MGST1: variants seen among roughly 807,000 people sequenced by gnomAD.
The protein encoded by MGST1 is microsomal glutathione S-transferase 1.
Under a neutral mutation model 8.9 loss-of-function variants are expected in MGST1, and 5 were observed. That is an observed-to-expected ratio of 0.56 (90% confidence interval 0.29 to 1.19). The LOEUF (loss-of-function observed/expected upper bound fraction) is 1.19, where lower values mean the gene tolerates loss of function less well. Among genes scored for constraint, MGST1 ranks in the 50% most tolerant of loss-of-function variants. MGST1 has a pLI of 0.08. For missense variants in MGST1, 182 were observed against 187.4 expected (o/e 0.97, Z 0.17); for synonymous variants, 54 against 67.8 (o/e 0.80, Z 1.00).
At chr12:16,505,583 G>A (rs747604086) in intron 4 of MGST1, among the ~76,000 whole-genome samples, 21 of 151,924 alleles carry the variant, frequency 1.4e-4, no homozygotes, top group Non-Finnish European at 2.4e-4. Context: ...ACCAAGTTCC[G>A]GCAATTTCAT....
intron 4 of MGST1, among the ~76,000 whole-genome samples, chr12:16,535,423 G>A (rs1182939585): frequency 6.6e-6 from 1 of 152,192 alleles, no homozygotes; most frequent in Non-Finnish European, 1.5e-5. Context: ...GAATTATAAA[G>A]AGTTTTAGTA....
chr12:16,509,087 T>A (rs1315834476), intron 4 of MGST1, among the ~76,000 whole-genome samples: 1 of 152,208 alleles, frequency 6.6e-6, no homozygotes, highest in Non-Finnish European at 1.5e-5. Flanking sequence ...TGTTGTCTGC[T>A]TTTTAAAAAG....
downstream of MGST1, among the ~76,000 whole-genome samples, chr12:16,369,303 A>G (rs1940251103): frequency 6.6e-6 from 1 of 152,168 alleles, no homozygotes. This position sits in a 1 kb window ranked among gnomAD's most constrained non-coding sequence, Gnocchi z 4.8. Flanking sequence ...ATGATAAGTC[A>G]TCCTATGACT....
At chr12:16,372,916 ATATATTTTATATTG>A (rs923399201) in intron 3 of MGST1, among the ~76,000 whole-genome samples, 5 of 142,626 alleles carry the variant, frequency 3.5e-5, no homozygotes, top group Non-Finnish European at 1.5e-5. Context: ...TACATATTTT[ATATATTTTATATTG>A]TATATTTTAT....
intron 2 of MGST1, among the ~76,000 whole-genome samples, chr12:16,356,959 A>G (rs1391911554): frequency 6.6e-6 from 1 of 152,230 alleles, no homozygotes. Context: ...GTATGTCAAC[A>G]TCACTGTGAA....
Position 16,357,706 on chromosome 12 carries a change from C to A in MGST1, c.221+7C>A. On this transcript the variant is annotated splice_region_variant and intron_variant, in intron 3 of 3. Transcript: ENST00000396210. ...GAGTAGAACGTGTACGCAGGTAAAC[C>A]AGTGTCTCTTGAAATTACTTACTTT... 6.2e-7 allele frequency: 1 copy of A among 1,605,954 alleles called. No homozygotes were observed. Among genetic ancestry groups the A allele is most frequent in the African/African-American group, 1.3e-5 (1 of 74,516 alleles).
At chr12:16,433,046 G>C (rs1940953186) in intron 1 of MGST1, among the ~76,000 whole-genome samples, 1 of 152,010 alleles carries the variant, frequency 6.6e-6, no homozygotes, top group African/African-American at 2.4e-5. Context: ...TAACTCACAC[G>C]ATCACAAGGT....
chr12:16,381,531 C>T (rs1040398749), downstream of MGST1, among the ~76,000 whole-genome samples: 3 of 152,166 alleles, frequency 2.0e-5, no homozygotes, highest in African/African-American at 7.2e-5. Flanking sequence ...ATGGGCTTCC[C>T]TTTGTGGGTA....
At chr12:16,394,682 C>T (rs745508039) in intron 1 of MGST1, among the ~76,000 whole-genome samples, 1 of 151,900 alleles carries the variant, frequency 6.6e-6, no homozygotes, top group Non-Finnish European at 1.5e-5. Context: ...ACTGCAACCT[C>T]CACCTCCTGG....
intron 1 of MGST1, among the ~76,000 whole-genome samples, chr12:16,432,065 T>A (rs751180706): frequency 3.9e-5 from 6 of 152,196 alleles, no homozygotes; most frequent in Non-Finnish European, 8.8e-5. Flanking sequence ...GGTCTATGCA[T>A]TCCATTTGTT....
chr12:16,356,730 A>G (rs747595504), intron 2 of MGST1, among the ~76,000 whole-genome samples: 22 of 152,188 alleles, frequency 1.4e-4, no homozygotes, highest in Admixed American at 3.9e-4. Flanking sequence ...TAGGAATGCA[A>G]TTCAGCTTCT....
At chr12:16,416,070 A>G (rs1218165138) in intron 1 of MGST1, among the ~76,000 whole-genome samples, 3 of 152,192 alleles carry the variant, frequency 2.0e-5, no homozygotes, top group African/African-American at 7.2e-5. Context: ...ACTGGATAAC[A>G]TAGGGTCACC....
At chr12:16,425,988 T>C (rs1235547661) in intron 1 of MGST1, among the ~76,000 whole-genome samples, 1 of 152,184 alleles carries the variant, frequency 6.6e-6, no homozygotes, top group Non-Finnish European at 1.5e-5. Flanking sequence ...TGGTCTCATA[T>C]CTCTTGCCTT....
chr12:16,494,714 C>A (rs898709389), intron 4 of MGST1, among the ~76,000 whole-genome samples: 4 of 152,220 alleles, frequency 2.6e-5, no homozygotes, highest in Non-Finnish European at 5.9e-5. Flanking sequence ...AGAGAGGCTT[C>A]TTTTCCAAGA....
intron 1 of MGST1, among the ~76,000 whole-genome samples, chr12:16,405,167 G>A (rs1219231741): frequency 6.6e-6 from 1 of 152,042 alleles, no homozygotes; most frequent in African/African-American, 2.4e-5. Context: ...CAGAAGACAA[G>A]AAATCAAAAT....
At chr12:16,554,938 C>G (rs1339981465) in intron 4 of MGST1, among the ~76,000 whole-genome samples, 1 of 152,104 alleles carries the variant, frequency 6.6e-6, no homozygotes, top group Non-Finnish European at 1.5e-5. Flanking sequence ...CTGGGATTAC[C>G]GGCATTAGCC....
In MGST1 at chr12:16,413,812, C is replaced by T. The variant is rs1940762116; in HGVS notation, n.779-23576C>T. ...AATTAATAGTGTTATTTAATCTTGG[C>T]ATCTCCAGCATATAATTTCTGACAC... On this transcript the variant is annotated intron_variant and non_coding_transcript_variant, in intron 1 of 1. Transcript: ENST00000359720. The surrounding 1 kb of genome is among the most constrained non-coding windows in gnomAD (Gnocchi z 4.0). 6.6e-6 allele frequency among the ~76,000 whole-genome samples: 1 copy of T among 152,168 alleles called. No individual in the cohort carries two copies. The highest frequency in any genetic ancestry group is 2.1e-4 in the South Asian group (1 of 4,828).
chr12:16,352,106 T>C (rs1021965053), intron 1 of MGST1, among the ~76,000 whole-genome samples: 2 of 152,340 alleles, frequency 1.3e-5, no homozygotes, highest in African/African-American at 4.8e-5. Context: ...GCTTAACAAC[T>C]CTAATTCCCT....
chr12:16,378,208 T>G (rs1156788252), downstream of MGST1, among the ~76,000 whole-genome samples: 1 of 152,210 alleles, frequency 6.6e-6, no homozygotes, highest in Non-Finnish European at 1.5e-5. Flanking sequence ...GTTTTAGACA[T>G]GAAGTCCTTG....
Sources: gnomAD v4.1 joint callset for allele counts (sites outside exome capture counted in the v4.1 genomes callset) on GRCh38, gnomAD v4.1.1 for gene constraint, Gnocchi (gnomAD v3.1) non-coding constraint, MANE v1.5 for transcripts, NCBI Gene and HGNC (gene_info 2026-07-23, HGNC 2026-07-21) for gene names.